Variants in COMMD1 observed in about 807,000 individuals in gnomAD.
COMMD1 encodes the protein copper metabolism domain containing 1.
COMMD1 carries 10 observed loss-of-function variants against 17.2 expected under a neutral mutation model. The observed-to-expected ratio is 0.58, with a 90% confidence interval of 0.36 to 0.99. The LOEUF is 0.99. COMMD1 is among the 50% of genes least tolerant of loss of function. The probability of loss-of-function intolerance (pLI) is 0.01; values close to 1 mark genes in which losing one functional copy is unlikely to be tolerated. For synonymous variants in COMMD1, 97 were observed against 91.6 expected, an observed-to-expected ratio of 1.06 and a Z score of -0.34; for missense variants, 270 against 231.8, an observed-to-expected ratio of 1.17 and a Z score of -1.07.
chr2:62,042,680 C>T (rs1328419645), intron 2 of COMMD1, among the ~76,000 whole-genome samples: 2 of 152,188 alleles, frequency 1.3e-5, no homozygotes, highest in South Asian at 2.1e-4. Context: ...AAGGGCTCCT[C>T]GAGCGCAGCC....
intron 2 of COMMD1, among the ~76,000 whole-genome samples, chr2:62,065,191 A>C (rs560910122): frequency 6.6e-6 from 1 of 152,210 alleles, no homozygotes; most frequent in East Asian, 1.9e-4. Context: ...AAATATGTAT[A>C]TGATATATTT....
At chr2:61,958,799 T>C (rs1671264441) in intron 1 of COMMD1, among the ~76,000 whole-genome samples, 1 of 152,182 alleles carries the variant, frequency 6.6e-6, no homozygotes, top group African/African-American at 2.4e-5. Flanking sequence ...TATTTATTTA[T>C]AATGACTTTA....
At chr2:62,099,762 C>G (rs1217293705) in intron 2 of COMMD1, among the ~76,000 whole-genome samples, 1 of 151,938 alleles carries the variant, frequency 6.6e-6, no homozygotes, top group Admixed American at 6.6e-5. Context: ...GGCGACCAGC[C>G]CTTATATGCG....
intron 2 of COMMD1, among the ~76,000 whole-genome samples, chr2:62,020,085 C>T (rs1669570535): frequency 6.6e-6 from 1 of 152,112 alleles, no homozygotes; most frequent in Non-Finnish European, 1.5e-5. Flanking sequence ...GATGAGGCTC[C>T]TCAGATGTAT....
chr2:61,949,956 T>G (rs1176402053), intron 1 of COMMD1, among the ~76,000 whole-genome samples: 2 of 152,182 alleles, frequency 1.3e-5, no homozygotes, highest in Non-Finnish European at 2.9e-5. Flanking sequence ...GTCACTGGAT[T>G]CAAGCCAAGG....
At chr2:62,118,217 T>C (rs920348436) in intron 2 of COMMD1, 3 of 152,236 alleles carry the variant, frequency 2.0e-5, no homozygotes, top group Non-Finnish European at 4.4e-5. Context: ...TTTACAGTTA[T>C]TCAAAATGCC....
At chr2:62,035,110 A>G (rs548438295) in intron 2 of COMMD1, among the ~76,000 whole-genome samples, 2 of 152,372 alleles carry the variant, frequency 1.3e-5, no homozygotes, top group African/African-American at 4.8e-5. Context: ...CCACACTACT[A>G]CAGCACAGAC....
chr2:61,892,649 G>A (rs760262194), intron 1 of COMMD1, among the ~76,000 whole-genome samples: 49 of 148,568 alleles, frequency 3.3e-4, no homozygotes, highest in South Asian at 2.7e-3. Context: ...AGCCGAGATC[G>A]TGCCATTTCA....
chr2:62,072,842 G>A (rs1437071313), intron 2 of COMMD1, among the ~76,000 whole-genome samples: 1 of 152,258 alleles, frequency 6.6e-6, no homozygotes, highest in South Asian at 2.1e-4. Flanking sequence ...GTCTGGAGCT[G>A]TCTGCCCTGC....
intron 1 of COMMD1, among the ~76,000 whole-genome samples, chr2:61,938,252 A>C (rs1428877685): frequency 6.6e-6 from 1 of 151,372 alleles, no homozygotes; most frequent in Admixed American, 6.6e-5. Flanking sequence ...ACGGAGGAGC[A>C]GCTTCCTGGG....
intron 1 of COMMD1, among the ~76,000 whole-genome samples, chr2:61,907,808 A>G (rs1288660107): frequency 1.3e-5 from 2 of 152,020 alleles, no homozygotes; most frequent in Non-Finnish European, 2.9e-5. Context: ...CTCCTGTCTC[A>G]GCCTCCTGTG....
intron 1 of COMMD1, among the ~76,000 whole-genome samples, chr2:61,956,484 A>C (rs1671202469): frequency 6.7e-6 from 1 of 150,096 alleles, no homozygotes; most frequent in Non-Finnish European, 1.5e-5. Context: ...ATCTTGACTC[A>C]CTGCAACCTC....
At chr2:62,063,296 C>G (rs1573135085) in intron 2 of COMMD1, among the ~76,000 whole-genome samples, 1 of 151,978 alleles carries the variant, frequency 6.6e-6, no homozygotes, top group Non-Finnish European at 1.5e-5. Flanking sequence ...TACTAGGGAG[C>G]CTGAGGTGGG....
chr2:61,980,935 G>C (rs912263385), intron 1 of COMMD1, among the ~76,000 whole-genome samples: 1 of 152,064 alleles, frequency 6.6e-6, no homozygotes, highest in Non-Finnish European at 1.5e-5. Context: ...ATGTATGTTT[G>C]CCTTTTTTAT....
At chr2:62,050,220 G>C (rs1670499409) in intron 2 of COMMD1, among the ~76,000 whole-genome samples, 1 of 152,060 alleles carries the variant, frequency 6.6e-6, no homozygotes, top group Admixed American at 6.6e-5. Context: ...AAATAAGTAT[G>C]CTTTAAGTAT....
At chr2:62,003,984 C>T (rs571573060) in intron 2 of COMMD1, among the ~76,000 whole-genome samples, 10 of 151,968 alleles carry the variant, frequency 6.6e-5, no homozygotes, top group East Asian at 1.9e-4. Flanking sequence ...AAAAATTAGC[C>T]GTGTGTGGTG....
chr2:62,043,901 A>T (rs1025631824), intron 2 of COMMD1, among the ~76,000 whole-genome samples: 1 of 152,124 alleles, frequency 6.6e-6, no homozygotes, highest in African/African-American at 2.4e-5. Context: ...TCCTGATGCT[A>T]TGTCAGTTTA....
chr2:62,071,742 A>G (rs1303827952), intron 2 of COMMD1, among the ~76,000 whole-genome samples: 3 of 152,226 alleles, frequency 2.0e-5, no homozygotes, highest in Admixed American at 6.5e-5. Flanking sequence ...TCTTTTGGCC[A>G]TGGGAACCCC....
intron 2 of COMMD1, among the ~76,000 whole-genome samples, chr2:62,035,743 T>TAAAA (rs763075178): frequency 4.2e-5 from 4 of 94,998 alleles, no homozygotes; most frequent in African/African-American, 4.1e-5. Context: ...CTGTCTCAAT[T>TAAAA]AAAAAAAAAA....
Sources: allele counts gnomAD v4.1 joint callset (sites outside exome capture counted in the v4.1 genomes callset), GRCh38; gene constraint gnomAD v4.1.1; transcripts MANE v1.5; gene names NCBI Gene and HGNC (gene_info 2026-07-23, HGNC 2026-07-21).